The following RPS6KC1 variants were observed in gnomAD, a reference collection of about 807,000 sequenced individuals.
RPS6KC1 encodes the protein inactive ribosomal protein S6 kinase delta-1.
RPS6KC1 carries 54 observed loss-of-function variants against 103.8 expected under a neutral mutation model. That is an observed-to-expected ratio of 0.52 (90% CI 0.42 to 0.65). The LOEUF is 0.65. RPS6KC1 is among the 30% of genes least tolerant of loss of function. RPS6KC1 has a pLI of 0.00. For synonymous variants in RPS6KC1, 439 were observed against 438.7 expected (o/e 1.00, Z -0.01); for missense variants, 1,151 against 1,253.8 (o/e 0.92, Z 1.24).
chr1:213,183,078 G>A (rs550223565), intron 8 of RPS6KC1, among the ~76,000 whole-genome samples: 4 of 151,762 alleles, frequency 2.6e-5, no homozygotes, highest in Non-Finnish European at 5.9e-5. Context: ...ATGAGAGACA[G>A]AGAGGACATT....
chr1:213,370,895 C>G, the RPS6KC1 span, among the ~76,000 whole-genome samples: 1 of 152,096 alleles, frequency 6.6e-6, no homozygotes, highest in East Asian at 1.9e-4. Context: ...AACTCGTGCC[C>G]CATGACCTGA....
At chr1:213,470,099 C>G in the RPS6KC1 span, among the ~76,000 whole-genome samples, 4 of 152,324 alleles carry the variant, frequency 2.6e-5, 1 homozygote, top group African/African-American at 9.6e-5. Context: ...AATAGCCAGT[C>G]AGCATTCAAA....
chr1:213,775,145 A>G, the RPS6KC1 span, among the ~76,000 whole-genome samples: 1 of 152,248 alleles, frequency 6.6e-6, no homozygotes, highest in South Asian at 2.1e-4. Context: ...GCAGTTTCTA[A>G]TCAACAATAC....
chr1:213,354,764 T>C, the RPS6KC1 span, among the ~76,000 whole-genome samples: 250 of 152,348 alleles, frequency 1.6e-3, 1 homozygote, highest in Non-Finnish European at 2.4e-3. Flanking sequence ...ATTAACTCAT[T>C]AATCCACAAA....
the RPS6KC1 span, among the ~76,000 whole-genome samples, chr1:213,619,012 C>T: frequency 6.6e-6 from 1 of 152,150 alleles, no homozygotes; most frequent in Non-Finnish European, 1.5e-5. Flanking sequence ...TATAAATCCA[C>T]AATAGTATAT....
chr1:213,723,100 A>G, the RPS6KC1 span, among the ~76,000 whole-genome samples: 1 of 152,150 alleles, frequency 6.6e-6, no homozygotes, highest in Non-Finnish European at 1.5e-5. Context: ...GAATTGCTTG[A>G]ACCTGGGAGG....
At chr1:213,732,354 C>CGTGTGTGTGT in the RPS6KC1 span, among the ~76,000 whole-genome samples, 714 of 150,186 alleles carry the variant, frequency 4.8e-3, 3 homozygotes, top group East Asian at 0.01. Context: ...TATGAGTGTG[C>CGTGTGTGTGT]GTGTGCGTGT....
chr1:213,291,832 G>A, the RPS6KC1 span, among the ~76,000 whole-genome samples: 4 of 152,178 alleles, frequency 2.6e-5, no homozygotes, highest in Non-Finnish European at 4.4e-5. Flanking sequence ...TCTTAAACAC[G>A]TTGACTGGTA....
At chr1:213,318,101 G>T in the RPS6KC1 span, among the ~76,000 whole-genome samples, 1 of 152,184 alleles carries the variant, frequency 6.6e-6, no homozygotes, top group Non-Finnish European at 1.5e-5. Flanking sequence ...AGTGCCTGTG[G>T]GCCAGTAGCT....
the RPS6KC1 span, among the ~76,000 whole-genome samples, chr1:213,753,929 G>A: frequency 6.6e-6 from 1 of 152,190 alleles, no homozygotes; most frequent in African/African-American, 2.4e-5. Flanking sequence ...GGAGAAGGCT[G>A]GGAAGAAGCC....
chr1:213,603,835 G>A, the RPS6KC1 span, among the ~76,000 whole-genome samples: 3 of 151,766 alleles, frequency 2.0e-5, no homozygotes, highest in African/African-American at 2.4e-5. Flanking sequence ...ACTCCAGCCC[G>A]GGCGACAGAG....
At chr1:213,608,325 T>C in the RPS6KC1 span, among the ~76,000 whole-genome samples, 714 of 152,302 alleles carry the variant, frequency 4.7e-3, 1 homozygote, top group African/African-American at 0.016. Context: ...TGTTTGGCTC[T>C]TTTAAAAGCA....
At chr1:213,614,327 C>T in the RPS6KC1 span, among the ~76,000 whole-genome samples, 1 of 152,230 alleles carries the variant, frequency 6.6e-6, no homozygotes, top group Non-Finnish European at 1.5e-5. Context: ...GTCCTGTGTA[C>T]CACTACGGTT....
chr1:213,514,541 C>T, the RPS6KC1 span, among the ~76,000 whole-genome samples: 2 of 152,120 alleles, frequency 1.3e-5, no homozygotes, highest in South Asian at 2.1e-4. Context: ...CATCCATGTC[C>T]CTACAAAGGA....
intron 3 of RPS6KC1, among the ~76,000 whole-genome samples, chr1:213,084,351 CCT>C (rs1330586880): frequency 2.0e-5 from 3 of 152,104 alleles, no homozygotes; most frequent in Non-Finnish European, 4.4e-5. Flanking sequence ...CTCACTGAAG[CCT>C]CGACTTCCCA....
At chr1:213,473,673 C>G in the RPS6KC1 span, among the ~76,000 whole-genome samples, 1 of 152,316 alleles carries the variant, frequency 6.6e-6, no homozygotes, top group Non-Finnish European at 1.5e-5. Context: ...TCCCACCCGC[C>G]AAGTCCAACA....
the RPS6KC1 span, among the ~76,000 whole-genome samples, chr1:213,606,492 C>T: frequency 2.6e-5 from 4 of 152,180 alleles, no homozygotes; most frequent in Admixed American, 6.5e-5. Flanking sequence ...TTTGAAGTTG[C>T]TATTAGTGTC....
At chr1:213,826,238 A>G in the RPS6KC1 span, among the ~76,000 whole-genome samples, 1 of 152,204 alleles carries the variant, frequency 6.6e-6, no homozygotes, top group African/African-American at 2.4e-5. Flanking sequence ...AAGACTGACT[A>G]CTGTTCATTT....
At chr1:213,845,147 G>C in the RPS6KC1 span, among the ~76,000 whole-genome samples, 3 of 151,966 alleles carry the variant, frequency 2.0e-5, no homozygotes, top group Non-Finnish European at 4.4e-5. Flanking sequence ...GGAATTTAGA[G>C]TCTGTGAGAA....
Sources: allele counts gnomAD v4.1 joint callset (sites outside exome capture counted in the v4.1 genomes callset), GRCh38; gene constraint gnomAD v4.1.1; transcripts MANE v1.5; gene names NCBI Gene and HGNC (gene_info 2026-07-23, HGNC 2026-07-21).